Variants in PTPRA observed in about 807,000 individuals in gnomAD.
The protein encoded by PTPRA is protein tyrosine phosphatase receptor type A.
Under a neutral mutation model 104.8 loss-of-function variants are expected in PTPRA, and 25 were observed. The ratio of observed to expected loss-of-function variants is 0.24; its 90% CI spans 0.17 to 0.33. The LOEUF (loss-of-function observed/expected upper bound fraction) is 0.33. Among genes scored for constraint, PTPRA ranks in the 10% least tolerant of loss-of-function variants. The pLI, the probability that PTPRA is intolerant of heterozygous loss-of-function variation, is 1.00. For synonymous variants in PTPRA, 323 were observed against 368.9 expected (o/e 0.88, Z 1.43); for missense variants, 765 against 1,015.3 (o/e 0.75, Z 3.35).
At chr20:3,018,850 G>T (rs1461062627) in intron 13 of PTPRA, among the ~76,000 whole-genome samples, 2 of 106,236 alleles carry the variant, frequency 1.9e-5, no homozygotes, top group African/African-American at 4.8e-5. Context: ...GGCCGGGCGG[G>T]GGGCTGATCC....
intron 2 of PTPRA, among the ~76,000 whole-genome samples, chr20:2,940,043 G>A (rs1363961988): frequency 6.6e-6 from 1 of 152,262 alleles, no homozygotes; most frequent in African/African-American, 2.4e-5. Context: ...CCAGGAGGTG[G>A]AGGTTGCAGT....
intron 6 of PTPRA, among the ~76,000 whole-genome samples, chr20:2,982,590 T>C (rs2062729800): frequency 6.6e-6 from 1 of 152,150 alleles, no homozygotes; most frequent in Admixed American, 6.6e-5. Flanking sequence ...AAAGGAGGGA[T>C]ATTCATTAAT....
chr20:2,949,562 T>G (rs2061282243), intron 3 of PTPRA, among the ~76,000 whole-genome samples: 1 of 152,070 alleles, frequency 6.6e-6, no homozygotes, highest in South Asian at 2.1e-4. Flanking sequence ...CAAAGTGCCA[T>G]TACAGTGGCA....
chr20:2,905,279 G>A (rs748794066), intron 1 of PTPRA, among the ~76,000 whole-genome samples: 3 of 152,170 alleles, frequency 2.0e-5, no homozygotes, highest in African/African-American at 4.8e-5. Context: ...ATTGGAGACC[G>A]CTGATAATAG....
chr20:2,947,332 C>T (rs867146204), intron 2 of PTPRA, among the ~76,000 whole-genome samples: 7 of 152,110 alleles, frequency 4.6e-5, no homozygotes, highest in Middle Eastern at 3.2e-3. Flanking sequence ...TCTTTGGCCA[C>T]AGACCTTAGG....
At chr20:2,960,791 C>G (rs1220468285) in intron 3 of PTPRA, among the ~76,000 whole-genome samples, 6 of 151,638 alleles carry the variant, frequency 4.0e-5, no homozygotes, top group African/African-American at 1.5e-4. Context: ...CCTGCCTTGG[C>G]CTCTCAAGGT....
In PTPRA at chr20:2,950,987, C is replaced by T. The variant is rs2061334545; in HGVS notation, c.-7+2963C>T. On this transcript the variant is annotated intron_variant, in intron 3 of 23. Transcript: ENST00000399903. This position sits in a 1 kb window ranked among gnomAD's most constrained non-coding sequence, Gnocchi z 4.0. ...TGCCCACTCCCTCATCCTTAAGCAA[C>T]CATTGGTCTGTTTTCTGCCACTATA... 6.6e-6 allele frequency among the ~76,000 whole-genome samples: 1 copy of T among 152,140 alleles called. No individual in the cohort carries two copies.
At chr20:2,916,297 C>T (rs898001410) in intron 1 of PTPRA, among the ~76,000 whole-genome samples, 4 of 152,290 alleles carry the variant, frequency 2.6e-5, no homozygotes, top group East Asian at 3.9e-4. Context: ...CCCACCTTGG[C>T]GTCCCAAAGT....
At chr20:2,971,064 G>A (rs1393292309) in intron 5 of PTPRA, among the ~76,000 whole-genome samples, 1 of 152,132 alleles carries the variant, frequency 6.6e-6, no homozygotes, top group Admixed American at 6.5e-5. Context: ...CATGTGCAAA[G>A]CCTCACTGTC....
chr20:2,947,391 A>G lies in PTPRA; in HGVS notation c.-49-591A>G, dbSNP rs147219765. ...AAAAACTGGAATTTAGTAGAATTAT[A>G]CTTCCTGTATCTTAATTTTCCAACT... On this transcript the variant is annotated intron_variant, in intron 2 of 23. Transcript: ENST00000399903. Among the ~76,000 whole-genome samples, 497 of 152,258 alleles carry G rather than the reference A, an allele frequency of 3.3e-3. 4 individuals carry two copies. The highest frequency in any genetic ancestry group is 0.011 in the African/African-American group (475 of 41,532).
intron 1 of PTPRA, among the ~76,000 whole-genome samples, chr20:2,875,236 T>C (rs1285774112): frequency 6.6e-6 from 1 of 152,158 alleles, no homozygotes; most frequent in South Asian, 2.1e-4. Context: ...CTTCCCCATG[T>C]CCATCCCACC....
rs1433760530 is a variant in PTPRA at position 2,923,296 on chromosome 20, T to A, written c.-50+11T>A. The A allele has an allele frequency of 1.6e-6, 2 of 1,285,142 alleles. No homozygotes were observed. Among genetic ancestry groups the A allele is most frequent in the African/African-American group, 3.0e-5 (2 of 65,678 alleles). 79.6% of individuals were successfully genotyped at this position (1,285,142 alleles called of 1,614,324 possible). A position where few individuals can be genotyped will look rare whatever the true frequency, so the allele number is the denominator to read the frequency against. On this transcript the variant is annotated intron_variant, in intron 2 of 23. Transcript: ENST00000399903. Reference sequence around the variant, plus strand: ...GTTCAAATAACTAAGGTAAGAGAAATAAAACCAGAACTGTGAGGAGGCTTT... The same window carrying A: ...GTTCAAATAACTAAGGTAAGAGAAAAAAAACCAGAACTGTGAGGAGGCTTT...
chr20:2,961,513 TG>T lies in PTPRA; in HGVS notation c.-6-2758del, dbSNP rs200596907. ...TTTCTTGTTGAGTTTAAGAATTCTC[TG>T]TCCTTTGTCAGATCTATCTTTTGCA... On this transcript the variant is annotated intron_variant, in intron 3 of 23. Coordinates refer to ENST00000399903, the MANE Select transcript of PTPRA (RefSeq NM_001385305.1). 6.7e-3 allele frequency among the ~76,000 whole-genome samples: 1,027 copies of T among 152,324 alleles called. 11 individuals are homozygous for T. Among genetic ancestry groups the T allele is most frequent in the African/African-American group, 0.023 (968 of 41,582 alleles).
At chr20:2,907,481 A>G (rs1161987201) in intron 1 of PTPRA, among the ~76,000 whole-genome samples, 1 of 152,172 alleles carries the variant, frequency 6.6e-6, no homozygotes, top group Non-Finnish European at 1.5e-5. Flanking sequence ...AAATTCAGAT[A>G]TTTTTCATAG....
intron 1 of PTPRA, among the ~76,000 whole-genome samples, chr20:2,880,143 G>C (rs772698708): frequency 1.3e-5 from 2 of 152,200 alleles, no homozygotes; most frequent in African/African-American, 2.4e-5. Context: ...TTTTAAGCAG[G>C]AGAGTGAACT....
the PTPRA span, chr20:2,864,568 G>A: frequency 3.4e-3 from 5,428 of 1,614,194 alleles, 11 homozygotes; most frequent in Non-Finnish European, 3.6e-3. This position sits in a 1 kb window ranked among gnomAD's most constrained non-coding sequence, Gnocchi z 5.2. Flanking sequence ...TCAGGAGCTA[G>A]AGACGCTGAA....
At chr20:2,972,804 A>G (rs928291611) in intron 5 of PTPRA, among the ~76,000 whole-genome samples, 2 of 150,966 alleles carry the variant, frequency 1.3e-5, no homozygotes, top group East Asian at 1.9e-4. Flanking sequence ...TGCGGCCTGC[A>G]CCTCCTGGGC....
At chr20:2,969,383 G>T (rs1041970710) in intron 5 of PTPRA, among the ~76,000 whole-genome samples, 6 of 151,650 alleles carry the variant, frequency 4.0e-5, no homozygotes, top group African/African-American at 1.4e-4. Context: ...GAGTAGCTGG[G>T]ATTACACATG....
intron 10 of PTPRA, among the ~76,000 whole-genome samples, chr20:3,006,470 C>T (rs2063877847): frequency 1.3e-5 from 2 of 152,196 alleles, no homozygotes; most frequent in Non-Finnish European, 1.5e-5. Context: ...TGAGCCACCA[C>T]ATCTAGACCC....
Sources: gnomAD v4.1 joint callset for allele counts (sites outside exome capture counted in the v4.1 genomes callset) on GRCh38, gnomAD v4.1.1 for gene constraint, Gnocchi (gnomAD v3.1) non-coding constraint, MANE v1.5 for transcripts, NCBI Gene and HGNC (gene_info 2026-07-23, HGNC 2026-07-21) for gene names.